CDH19: variants seen among roughly 807,000 people sequenced by gnomAD.
CDH19 encodes the protein cadherin 19, also known as cadherin-19.
CDH19 carries 67 observed loss-of-function variants against 64.2 expected under a neutral mutation model. The observed-to-expected ratio is 1.04, with a 90% CI of 0.86 to 1.28. The LOEUF is 1.28. Ranked by LOEUF, CDH19 falls within the 50% of genes most tolerant of loss-of-function variation. The pLI is 0.00. For missense variants in CDH19, 1,030 were observed against 929.0 expected (o/e 1.11, Z -1.41); for synonymous variants, 346 against 319.3 (o/e 1.08, Z -0.89).
At chr18:66,600,211 C>T (rs1052266964) in intron 1 of CDH19, among the ~76,000 whole-genome samples, 1 of 151,742 alleles carries the variant, frequency 6.6e-6, no homozygotes, top group Non-Finnish European at 1.5e-5. Flanking sequence ...GACTCTGAAC[C>T]TGCACCAAAT....
intron 3 of CDH19, among the ~76,000 whole-genome samples, chr18:66,560,496 G>T (rs1987679524): frequency 6.6e-6 from 1 of 151,462 alleles, no homozygotes; most frequent in Non-Finnish European, 1.5e-5. Flanking sequence ...AGAAAAATAA[G>T]AATATAAATA....
intron 3 of CDH19, among the ~76,000 whole-genome samples, chr18:66,555,872 T>C (rs1987499610): frequency 6.6e-6 from 1 of 151,794 alleles, no homozygotes; most frequent in Non-Finnish European, 1.5e-5. Context: ...TATCATTTCT[T>C]TCCATAAGGG....
chr18:66,595,214 A>T (rs1478543236), intron 1 of CDH19, among the ~76,000 whole-genome samples: 1 of 151,706 alleles, frequency 6.6e-6, no homozygotes, highest in Non-Finnish European at 1.5e-5. Context: ...AGGAAAGTTT[A>T]TTAGTCTTAA....
Position 66,582,576 on chromosome 18 carries a change from A to G in CDH19, c.-112-10260T>C, listed in dbSNP as rs562068735. Among the ~76,000 whole-genome samples, 12 of 150,244 alleles carry G rather than the reference A, an allele frequency of 8.0e-5. No individual in the cohort carries two copies. The East Asian group carries it at 2.4e-3, about 30-fold the overall frequency. ...TCATTGCACAGCACTAAAATGTGAA[A>G]GATCATTTTCTGTTTTATTTATGAA... On this transcript the variant is annotated intron_variant, in intron 1 of 11. Coordinates refer to ENST00000262150, the MANE Select transcript of CDH19 (RefSeq NM_021153.4).
At position 66,568,490 on chromosome 18, in the gene CDH19, G is replaced by T. The variant is rs768597117; in HGVS notation, c.416C>A (p.Ser139Ter). The T allele has an allele frequency of 1.2e-6, 2 of 1,612,058 alleles. No individual in the cohort carries two copies. Among genetic ancestry groups the T allele is most frequent in the Non-Finnish European group, 1.7e-6 (2 of 1,178,814 alleles). ...EPESEFVIKV[S>*]DINDNEPKFL... ...TTTTGGTTCATTGTCATTGATATCC[G>T]AAACTTTGATGACAAACTCAGACTC... is the stretch of plus-strand genomic sequence containing the variant. Residue 139 changes from serine (S) to a stop codon, truncating the protein, a stop_gained, in exon 3 of 12, where the codon TCG becomes TAG. Transcript: ENST00000262150. LOFTEE classifies it high-confidence loss of function.
At chr18:66,582,471 T>C (rs1409608889) in intron 1 of CDH19, among the ~76,000 whole-genome samples, 1 of 151,960 alleles carries the variant, frequency 6.6e-6, no homozygotes, top group African/African-American at 2.4e-5. Flanking sequence ...GGATACAGTT[T>C]GCATACATAA....
In CDH19 at chr18:66,505,006, CA is replaced by C. The variant is rs1985115401; in HGVS notation, c.2124del (p.Asp709IlefsTer21). 1 of 1,613,578 alleles carries C rather than the reference CA, an allele frequency of 6.2e-7. No homozygotes were observed. Among genetic ancestry groups the C allele is most frequent in the African/African-American group, 1.3e-5 (1 of 74,986 alleles). On this transcript the variant is annotated frameshift_variant, in exon 12 of 12. Coordinates refer to ENST00000262150, the MANE Select transcript of CDH19 (RefSeq NM_021153.4). LOFTEE classifies it low-confidence loss of function (END_TRUNC). The part of the protein sequence containing the change: ...FILEKLEEAN[T>X]DPCAPPFDSL... ...GAATCAAAAGGAGGGGCACACGGAT[CA>C]GTATTAGCTTCTTCGAGCTTTTCCA...
intron 9 of CDH19, among the ~76,000 whole-genome samples, chr18:66,513,025 T>C (rs368912668): frequency 1.3e-5 from 2 of 151,536 alleles, no homozygotes; most frequent in East Asian, 1.9e-4. Flanking sequence ...TTGCATATCA[T>C]GGTGTCCTGA....
At chr18:66,598,502 C>A (rs1162420745) in intron 1 of CDH19, among the ~76,000 whole-genome samples, 1 of 152,086 alleles carries the variant, frequency 6.6e-6, no homozygotes, top group Non-Finnish European at 1.5e-5. Context: ...GAATACTATA[C>A]AGCCATAAAA....
At chr18:66,578,463 GA>G (rs1199340978) in intron 1 of CDH19, among the ~76,000 whole-genome samples, 2 of 151,774 alleles carry the variant, frequency 1.3e-5, no homozygotes, top group Admixed American at 6.6e-5. Flanking sequence ...ATAATTAAAA[GA>G]CTGACCTTAT....
intron 1 of CDH19, among the ~76,000 whole-genome samples, chr18:66,587,618 C>A (rs949230617): frequency 6.6e-6 from 1 of 152,108 alleles, no homozygotes; most frequent in African/African-American, 2.4e-5. Context: ...GTGATGTACA[C>A]CATTTTCGAA....
chr18:66,528,852 TA>T lies in CDH19; in HGVS notation c.1458+992del, dbSNP rs373880412. The stretch of plus-strand genomic sequence containing the variant: ...AATGGTCCCTGACTAGCTTTGTTGA[TA>T]AATTCAAAGCTACTTAGAATAATTG... On this transcript the variant is annotated intron_variant, in intron 9 of 11. Transcript: ENST00000262150. Among the ~76,000 whole-genome samples the T allele has an allele frequency of 5.8e-3, 875 of 152,164 alleles. 8 individuals are homozygous for T. The highest frequency in any genetic ancestry group is 0.011 in the Middle Eastern group (3 of 284).
chr18:66,535,864 A>G (rs1986647741), intron 7 of CDH19, among the ~76,000 whole-genome samples: 1 of 147,326 alleles, frequency 6.8e-6, no homozygotes, highest in African/African-American at 2.5e-5. Context: ...GTATATATGT[A>G]TGTGATATAT....
chr18:66,579,793 G>A (rs1988372034), intron 1 of CDH19, among the ~76,000 whole-genome samples: 1 of 151,968 alleles, frequency 6.6e-6, no homozygotes, highest in African/African-American at 2.4e-5. Context: ...ATGTAGAGAT[G>A]AGCAATAGAT....
chr18:66,521,717 T>A (rs1370538532), intron 9 of CDH19, among the ~76,000 whole-genome samples: 4 of 149,332 alleles, frequency 2.7e-5, no homozygotes, highest in Non-Finnish European at 5.9e-5. Flanking sequence ...AAAAAAAAAA[T>A]GTAGAGACGG....
At chr18:66,596,347 A>G (rs1006034642) in intron 1 of CDH19, 2 of 152,186 alleles carry the variant, frequency 1.3e-5, no homozygotes, top group African/African-American at 4.8e-5. Flanking sequence ...AAAGGCAAAC[A>G]TATAGGAAGA....
At chr18:66,562,405 T>C (rs1457888242) in intron 3 of CDH19, among the ~76,000 whole-genome samples, 1 of 151,834 alleles carries the variant, frequency 6.6e-6, no homozygotes, top group Non-Finnish European at 1.5e-5. Context: ...GGGTTTGCAA[T>C]CCTATGAAAA....
At position 66,525,055 on chromosome 18, in the gene CDH19, G is replaced by T. The variant is rs73537764; in HGVS notation, c.1458+4790C>A. Among the ~76,000 whole-genome samples the T allele has an allele frequency of 3.9e-5, 6 of 152,012 alleles. No homozygotes were observed. The East Asian group carries it at 1.2e-3, about 30-fold the overall frequency. On this transcript the variant is annotated intron_variant, in intron 9 of 11. Transcript: ENST00000262150. ...TTACATTATTTAATTTATCTGACACGCATATTTAACAATTTGTGTCCTAAT... is the reference window on the plus strand; with the variant it reads ...TTACATTATTTAATTTATCTGACACTCATATTTAACAATTTGTGTCCTAAT...
intron 11 of CDH19, among the ~76,000 whole-genome samples, chr18:66,506,999 C>T (rs1985234303): frequency 6.6e-6 from 1 of 151,770 alleles, no homozygotes; most frequent in Non-Finnish European, 1.5e-5. Flanking sequence ...ATAAAACATT[C>T]AAAGGAAATC....
Sources: gnomAD v4.1 joint callset for allele counts (sites outside exome capture counted in the v4.1 genomes callset) on GRCh38, gnomAD v4.1.1 for gene constraint, MANE v1.5 for transcripts, NCBI Gene and HGNC (gene_info 2026-07-23, HGNC 2026-07-21) for gene names.